Variants in POLK observed in about 807,000 individuals in gnomAD.
POLK encodes polymerase (DNA directed) kappa.
Under a neutral mutation model 94.0 loss-of-function variants are expected in POLK, and 76 were observed. The ratio of observed to expected loss-of-function variants is 0.81; its 90% confidence interval spans 0.67 to 0.98. The LOEUF (loss-of-function observed/expected upper bound fraction) is 0.98. POLK is among the 50% of genes least tolerant of loss of function. POLK has a pLI of 0.00. For synonymous variants in POLK, 349 were observed against 325.4 expected, an observed-to-expected ratio of 1.07 and a Z score of -0.78; for missense variants, 954 against 1,010.1, an observed-to-expected ratio of 0.94 and a Z score of 0.75.
At chr5:75,596,587 G>A (rs1464659304) in exon 13 of POLK, 1 of 1,613,904 alleles carries the variant, frequency 6.2e-7, no homozygotes, top group Non-Finnish European at 8.5e-7. Context: ...TAGGGCTCAA[G>A]GGTGCATCAG....
At chr5:75,532,875 G>A (rs1188468647) in intron 1 of POLK, among the ~76,000 whole-genome samples, 5 of 152,160 alleles carry the variant, frequency 3.3e-5, no homozygotes, top group Non-Finnish European at 4.4e-5. Context: ...TTAGCCACGT[G>A]TATGTCTTCT....
intron 1 of POLK, 22 bp downstream of exon 1, chr5:75,511,936 C>T: frequency 9.8e-7 from 1 of 1,023,404 alleles, no homozygotes; most frequent in South Asian, 1.6e-5. Context: ...GCGCGGGGAT[C>T]GCTTGTCCCC....
intron 1 of POLK, among the ~76,000 whole-genome samples, chr5:75,542,527 A>G (rs990542268): frequency 1.3e-5 from 2 of 151,880 alleles, no homozygotes; most frequent in Non-Finnish European, 2.9e-5. Context: ...TAAAAATTCT[A>G]AGTTTCCATC....
exon 1 of POLK, chr5:75,511,838 G>T (rs941122183): frequency 3.0e-5 from 46 of 1,548,770 alleles, no homozygotes; most frequent in Non-Finnish European, 3.9e-5. Context: ...ATGCAGCTGT[G>T]CTGCATTCTG....
At chr5:75,539,635 T>C (rs1327727679) in intron 1 of POLK, among the ~76,000 whole-genome samples, 1 of 152,130 alleles carries the variant, frequency 6.6e-6, no homozygotes, top group Non-Finnish European at 1.5e-5. Context: ...TTAATTTTTT[T>C]TTTATAGAGA....
intron 7 of POLK, chr5:75,583,005 A>G (rs1772280206): frequency 9.8e-6 from 2 of 204,404 alleles, no homozygotes; most frequent in Admixed American, 6.0e-5. Flanking sequence ...GCTAATAGTA[A>G]CACTTAATAT....
At chr5:75,590,157 G>A (rs1313205676) in intron 10 of POLK, among the ~76,000 whole-genome samples, 187 bp from the exon 11 acceptor site, 2 of 152,092 alleles carry the variant, frequency 1.3e-5, no homozygotes, top group African/African-American at 4.8e-5. Flanking sequence ...TCCTGTTTAG[G>A]TGGGTTTCCA....
intron 2 of POLK, among the ~76,000 whole-genome samples, chr5:75,548,554 A>G (rs911042379): frequency 1.3e-5 from 2 of 150,264 alleles, no homozygotes; most frequent in Non-Finnish European, 3.0e-5. Context: ...AATGTATATT[A>G]GTATGTTGTA....
chr5:75,512,684 G>T (rs1768110326), intron 1 of POLK: 1 of 152,210 alleles, frequency 6.6e-6, no homozygotes, highest in Non-Finnish European at 1.5e-5. Flanking sequence ...ATGAGACTTT[G>T]ACTTTGTAGC....
At chr5:75,511,609 T>A, upstream of POLK, 1 of 1,470,686 alleles carries the variant, frequency 6.8e-7, no homozygotes, top group Non-Finnish European at 9.0e-7. Flanking sequence ...CGCCGCCATC[T>A]TCCTGCCTGG....
At chr5:75,573,821 T>G (rs959697709) in exon 5 of POLK, 12 of 1,613,372 alleles carry the variant, frequency 7.4e-6, no homozygotes, top group Non-Finnish European at 8.5e-6. Context: ...GCCCACAACT[T>G]ATAATAGTGC....
intron 1 of POLK, among the ~76,000 whole-genome samples, chr5:75,520,591 G>A (rs1040111776): frequency 6.6e-6 from 1 of 152,082 alleles, no homozygotes; most frequent in African/African-American, 2.4e-5. Context: ...TAGAGATAAG[G>A]TCTTATGATG....
intron 1 of POLK, among the ~76,000 whole-genome samples, chr5:75,530,982 T>C (rs1406380889): frequency 6.6e-6 from 1 of 151,584 alleles, no homozygotes; most frequent in Non-Finnish European, 1.5e-5. Flanking sequence ...ATTTTTTGTA[T>C]TTTTTTAGTA....
At chr5:75,537,462 C>T (rs1241921809) in intron 1 of POLK, among the ~76,000 whole-genome samples, 1 of 152,234 alleles carries the variant, frequency 6.6e-6, no homozygotes, top group African/African-American at 2.4e-5. Context: ...CTCTGTGTTT[C>T]CCTGCTGCCT....
At chr5:75,597,761 G>A in exon 14 of POLK, 2 of 1,523,204 alleles carry the variant, frequency 1.3e-6, no homozygotes, top group Non-Finnish European at 1.8e-6. Flanking sequence ...CTCAAGTGGA[G>A]TACAGAAGGC....
chr5:75,559,765 C>T (rs1390957701), intron 3 of POLK, among the ~76,000 whole-genome samples: 5 of 151,812 alleles, frequency 3.3e-5, no homozygotes, highest in Non-Finnish European at 5.9e-5. Flanking sequence ...GTCTCAAACT[C>T]CTGGCCTCAA....
chr5:75,590,347 A>T (rs758334679), exon 11 of POLK: 8 of 1,568,354 alleles, frequency 5.1e-6, no homozygotes, highest in Non-Finnish European at 7.0e-6. Flanking sequence ...TTTCTAGGAC[A>T]TTCAGTGAGA....
chr5:75,514,935 G>C (rs1173945880), intron 1 of POLK, among the ~76,000 whole-genome samples: 1 of 152,018 alleles, frequency 6.6e-6, no homozygotes, highest in African/African-American at 2.4e-5. Flanking sequence ...GAATCTGTCA[G>C]AGCCAGATAG....
At chr5:75,554,987 C>A (rs952592221) in intron 3 of POLK, among the ~76,000 whole-genome samples, 2 of 152,012 alleles carry the variant, frequency 1.3e-5, no homozygotes, top group African/African-American at 4.8e-5. Flanking sequence ...TATAAAAAGA[C>A]CTTATTTTTC....
Sources: allele counts gnomAD v4.1 joint callset (sites outside exome capture counted in the v4.1 genomes callset), GRCh38; gene constraint gnomAD v4.1.1; transcripts MANE v1.5; gene names NCBI Gene and HGNC (gene_info 2026-07-23, HGNC 2026-07-21).